LRRFIP1: variants seen among roughly 807,000 people sequenced by gnomAD.
LRRFIP1 encodes leucine-rich repeat flightless-interacting protein 1.
Under a neutral mutation model 104.4 loss-of-function variants are expected in LRRFIP1, and 62 were observed. That is an observed-to-expected ratio of 0.59 (90% CI 0.48 to 0.73). The LOEUF is 0.73. Among genes scored for constraint, LRRFIP1 ranks in the 30% least tolerant of loss-of-function variants. The pLI is 0.00. For missense variants in LRRFIP1, 796 were observed against 824.5 expected (o/e 0.97, Z 0.42); for synonymous variants, 300 against 299.0 (o/e 1.00, Z -0.03).
intron 2 of LRRFIP1, among the ~76,000 whole-genome samples, chr2:237,713,742 C>A (rs981629570): frequency 2.0e-5 from 3 of 152,172 alleles, no homozygotes; most frequent in Admixed American, 2.0e-4. Flanking sequence ...ATGATAATAA[C>A]CTCTTTTAGG....
Position 237,769,967 on chromosome 2 carries a change from A to G in LRRFIP1, c.1484A>G (p.Asp495Gly). The G allele has an allele frequency of 1.2e-6, 2 of 1,605,178 alleles. No homozygotes were observed. The highest frequency in any genetic ancestry group is 1.7e-6 in the Non-Finnish European group (2 of 1,175,232). Residue 495 changes from aspartate (D) to glycine (G), a missense_variant, in exon 20 of 24, where the codon GAT becomes GGT. Asp to Gly is a moderately conservative substitution (Grantham distance 94). Coordinates refer to ENST00000308482, the MANE Select transcript of LRRFIP1 (RefSeq NM_001137550.2). The stretch of plus-strand genomic sequence containing the variant: ...GATATTAGGTTGAAAAAGCTGGTTG[A>G]TGAACGGGAATGCTTATTGGAACAG... ...TLDIRLKKLV[D>G]ERECLLEQIK...
chr2:237,745,329 A>G (rs1251790396), intron 11 of LRRFIP1, among the ~76,000 whole-genome samples: 1 of 152,178 alleles, frequency 6.6e-6, no homozygotes, highest in Non-Finnish European at 1.5e-5. Flanking sequence ...TAAAATAGAG[A>G]TAGGTTAGAC....
intron 11 of LRRFIP1, among the ~76,000 whole-genome samples, chr2:237,741,839 A>G (rs569736049): frequency 6.6e-6 from 1 of 152,236 alleles, no homozygotes; most frequent in East Asian, 1.9e-4. Context: ...AAAAAAAAGA[A>G]AAAAGAAAAA....
At chr2:237,685,509 C>T (rs1385760914) in intron 1 of LRRFIP1, among the ~76,000 whole-genome samples, 1 of 152,150 alleles carries the variant, frequency 6.6e-6, no homozygotes, top group Non-Finnish European at 1.5e-5. Context: ...CCTCCTGCTC[C>T]TTATCCTCCC....
At chr2:237,749,159 A>G in intron 12 of LRRFIP1, 40 bp from the exon 13 acceptor site, 1 of 1,603,994 alleles carries the variant, frequency 6.2e-7, no homozygotes, top group South Asian at 1.1e-5. Context: ...GGGGACACAG[A>G]GCTAAACCAT....
chr2:237,648,537 G>A (rs1045518263), intron 1 of LRRFIP1, among the ~76,000 whole-genome samples: 2 of 151,132 alleles, frequency 1.3e-5, no homozygotes, highest in African/African-American at 4.9e-5. Context: ...AGACCAGCCT[G>A]GTCAACGTAA....
chr2:237,676,718 G>T (rs559869982), intron 1 of LRRFIP1, among the ~76,000 whole-genome samples: 8 of 152,220 alleles, frequency 5.3e-5, no homozygotes, highest in Admixed American at 2.0e-4. Flanking sequence ...GGCCAGGCTG[G>T]TCTCAAACTC....
At chr2:237,756,071 T>C (rs760423076) in intron 15 of LRRFIP1, 24 bp from the exon 16 acceptor site, 2 of 1,545,180 alleles carry the variant, frequency 1.3e-6, no homozygotes, top group Admixed American at 1.7e-5. Context: ...TCCACTGCTT[T>C]AGTGCTGTTT....
chr2:237,645,644 T>G lies in LRRFIP1; in HGVS notation c.96+17904T>G, dbSNP rs541230849. ...TCTTTTGGGAGGTGTGGTGGCTAAA[T>G]ACTTGAATGAAGGTTTTATGATGGG... On this transcript the variant is annotated intron_variant, in intron 1 of 23. Coordinates refer to ENST00000308482, the MANE Select transcript of LRRFIP1 (RefSeq NM_001137550.2). Among the ~76,000 whole-genome samples the G allele has an allele frequency of 2.0e-5, 3 of 152,144 alleles. No individual in the cohort carries two copies. In the South Asian group the frequency reaches 6.2e-4, roughly 32 times the overall value.
intron 1 of LRRFIP1, among the ~76,000 whole-genome samples, chr2:237,666,866 T>A (rs77910290): frequency 0.041 from 6,098 of 150,454 alleles, 369 homozygotes; most frequent in African/African-American, 0.13. Context: ...TCTTTCTTTC[T>A]TCTCTTTCTC....
At position 237,647,513 on chromosome 2, in the gene LRRFIP1, G is replaced by C. The variant is rs552998191; in HGVS notation, c.96+19773G>C. Among the ~76,000 whole-genome samples, 6 of 152,180 alleles carry C rather than the reference G, an allele frequency of 3.9e-5. No homozygotes were observed. The East Asian group carries it at 1.2e-3, about 29-fold the overall frequency. ...TAGAGGGTGTCCCTTCCCTCAGATG[G>C]GTGCCCCCCCACCCTGCAGCAGGGT... On this transcript the variant is annotated intron_variant, in intron 1 of 23. Coordinates refer to ENST00000308482, the MANE Select transcript of LRRFIP1 (RefSeq NM_001137550.2).
chr2:237,678,928 C>G lies in LRRFIP1; in HGVS notation c.97-29616C>G, dbSNP rs117810622. On this transcript the variant is annotated intron_variant, in intron 1 of 23. Coordinates refer to ENST00000308482, the MANE Select transcript of LRRFIP1 (RefSeq NM_001137550.2). ...AGCAACTCATTTAATCCTTATAAACCCTGGGAACTGGGTACCATTATCCCT... is the reference window on the plus strand; with the variant it reads ...AGCAACTCATTTAATCCTTATAAACGCTGGGAACTGGGTACCATTATCCCT... 3.1e-3 allele frequency among the ~76,000 whole-genome samples: 477 copies of G among 152,140 alleles called. 9 individuals are homozygous for G. In the East Asian group the frequency reaches 0.047, roughly 15 times the overall value.
At chr2:237,666,732 G>GTTCTTTCA (rs1290255937) in intron 1 of LRRFIP1, among the ~76,000 whole-genome samples, 14 of 115,330 alleles carry the variant, frequency 1.2e-4, no homozygotes, top group Non-Finnish European at 1.7e-4. Context: ...TCTTTCTTTT[G>GTTCTTTCA]TTCTTTCGTT....
In LRRFIP1 at chr2:237,703,086, C is replaced by A. The variant is rs548263286; in HGVS notation, c.97-5458C>A. Among the ~76,000 whole-genome samples the A allele has an allele frequency of 9.2e-5, 14 of 152,284 alleles. No individual in the cohort carries two copies. In the South Asian group the frequency reaches 1.7e-3, roughly 18 times the overall value. ...GTGGGGACAGACCAGCCCCCATGAACCCTAGCGAGGGCCATGCCAAGAAGC... is the reference window on the plus strand; with the variant it reads ...GTGGGGACAGACCAGCCCCCATGAAACCTAGCGAGGGCCATGCCAAGAAGC... On this transcript the variant is annotated intron_variant, in intron 1 of 23. Transcript: ENST00000308482. The surrounding 1 kb of genome is among the most constrained non-coding windows in gnomAD (Gnocchi z 4.3).
In LRRFIP1 at chr2:237,717,926, A is replaced by G. The variant is rs954989395; in HGVS notation, c.249+117A>G. On this transcript the variant is annotated intron_variant, in intron 4 of 23. Coordinates refer to ENST00000308482, the MANE Select transcript of LRRFIP1 (RefSeq NM_001137550.2). The surrounding 1 kb of genome is among the most constrained non-coding windows in gnomAD (Gnocchi z 4.2). ...AGTTTAACTATGTAGATAGATTCCTATTGCACCATAATTTAATACTGAGAG... is the reference window on the plus strand; with the variant it reads ...AGTTTAACTATGTAGATAGATTCCTGTTGCACCATAATTTAATACTGAGAG... 4.7e-6 allele frequency: 4 copies of G among 843,970 alleles called. No individual in the cohort carries two copies. Among genetic ancestry groups the G allele is most frequent in the Non-Finnish European group, 6.2e-6 (3 of 483,448 alleles). The allele number at this position is 843,970 out of a possible 1,614,324, so 52.3% of individuals were successfully genotyped here. A position where few individuals can be genotyped will look rare whatever the true frequency, so the allele number is the denominator to read the frequency against.
chr2:237,758,858 GAAA>G (rs3215064), intron 18 of LRRFIP1, 37 bp downstream of exon 18: 13 of 1,475,164 alleles, frequency 8.8e-6, no homozygotes, highest in Admixed American at 4.0e-5. Context: ...TAAAAAAAAA[GAAA>G]AAAAATCCAG....
intron 1 of LRRFIP1, among the ~76,000 whole-genome samples, chr2:237,664,726 T>G (rs972354994): frequency 7.2e-5 from 11 of 152,246 alleles, no homozygotes; most frequent in South Asian, 4.1e-4. Flanking sequence ...GCTGATGTAC[T>G]TAAGCCCCAT....
At chr2:237,747,560 A>G (rs1043082086) in intron 11 of LRRFIP1, among the ~76,000 whole-genome samples, 5 of 152,176 alleles carry the variant, frequency 3.3e-5, no homozygotes, top group Admixed American at 3.3e-4. Flanking sequence ...GGATTTCTCA[A>G]GCTTCATTAT....
At chr2:237,632,776 G>A (rs1353449634) in intron 1 of LRRFIP1, among the ~76,000 whole-genome samples, 1 of 55,394 alleles carries the variant, frequency 1.8e-5, no homozygotes, top group Admixed American at 2.0e-4. Context: ...GCTCCTCTGG[G>A]GTGGAGAGTC....
Sources: allele counts gnomAD v4.1 joint callset (sites outside exome capture counted in the v4.1 genomes callset), GRCh38; gene constraint gnomAD v4.1.1; non-coding constraint Gnocchi (gnomAD v3.1); transcripts MANE v1.5; gene names NCBI Gene and HGNC (gene_info 2026-07-23, HGNC 2026-07-21).